Variants in CPQ observed in about 807,000 individuals in gnomAD.
CPQ encodes carboxypeptidase Q, also known as Ser-Met dipeptidase.
Under a neutral mutation model 45.7 loss-of-function variants are expected in CPQ, and 37 were observed. That is an observed-to-expected ratio of 0.81 (90% confidence interval 0.62 to 1.07). The LOEUF (loss-of-function observed/expected upper bound fraction) is 1.07, where lower values mean the gene tolerates loss of function less well. CPQ is among the 50% of genes least tolerant of loss of function. The probability of loss-of-function intolerance (pLI) is 0.00; values close to 1 mark genes in which losing one functional copy is unlikely to be tolerated. For missense variants in CPQ, 537 were observed against 572.9 expected (o/e 0.94, Z 0.64); for synonymous variants, 186 against 205.8 (o/e 0.90, Z 0.82).
At chr8:97,036,275 T>C (rs1317073873) in intron 6 of CPQ, among the ~76,000 whole-genome samples, 4 of 152,198 alleles carry the variant, frequency 2.6e-5, no homozygotes, top group African/African-American at 9.7e-5. Flanking sequence ...GGAAGATTTC[T>C]CTTTTATGCC....
intron 1 of CPQ, among the ~76,000 whole-genome samples, chr8:96,727,534 A>G (rs868243691): frequency 2.0e-5 from 3 of 152,148 alleles, no homozygotes; most frequent in Admixed American, 6.5e-5. Context: ...TTTAGTCCTT[A>G]TGGTTCTTTT....
At chr8:97,044,179 G>A (rs1349494169) in intron 6 of CPQ, among the ~76,000 whole-genome samples, 1 of 152,034 alleles carries the variant, frequency 6.6e-6, no homozygotes, top group African/African-American at 2.4e-5. Flanking sequence ...GGCTTTGTTT[G>A]TTTCTTTTTA....
intron 6 of CPQ, among the ~76,000 whole-genome samples, chr8:97,043,244 C>T (rs899886644): frequency 6.6e-6 from 1 of 151,934 alleles, no homozygotes; most frequent in African/African-American, 2.4e-5. Context: ...TATGTAATGG[C>T]CTTCTTTGTC....
rs576627411 is a variant in CPQ, at chr8:97,101,422, C to T, written c.1255+35212C>T. On this transcript the variant is annotated intron_variant, in intron 7 of 7. Transcript: ENST00000220763. ...TTCAGCAAATATATAGTATTTCTGC[C>T]GTACTATATATATATATATGATATA... Among the ~76,000 whole-genome samples the T allele has an allele frequency of 6.0e-5, 9 of 151,176 alleles. No individual in the cohort carries two copies. In the South Asian group the frequency reaches 6.3e-4, roughly 11 times the overall value.
chr8:96,751,620 G>A (rs1432734335), intron 1 of CPQ, among the ~76,000 whole-genome samples: 2 of 152,114 alleles, frequency 1.3e-5, no homozygotes, highest in African/African-American at 2.4e-5. Flanking sequence ...TTCTTTTGCT[G>A]TGCAGAAGCT....
At chr8:96,791,444 C>A (rs1810844209) in intron 2 of CPQ, among the ~76,000 whole-genome samples, 1 of 152,094 alleles carries the variant, frequency 6.6e-6, no homozygotes, top group African/African-American at 2.4e-5. Context: ...ACAACTGGGC[C>A]TCCTCTTTCC....
chr8:96,675,509 A>G (rs562882349), intron 1 of CPQ, among the ~76,000 whole-genome samples: 46 of 152,190 alleles, frequency 3.0e-4, no homozygotes, highest in African/African-American at 1.1e-3. Context: ...AACTTTTCCT[A>G]TTACAAACAG....
chr8:97,076,327 G>C (rs1321657812), intron 7 of CPQ, among the ~76,000 whole-genome samples: 1 of 151,832 alleles, frequency 6.6e-6, no homozygotes, highest in Non-Finnish European at 1.5e-5. Flanking sequence ...CCCTGCCAAG[G>C]ACTCATTTTT....
At chr8:96,743,314 T>C (rs887226701) in intron 1 of CPQ, among the ~76,000 whole-genome samples, 4 of 151,686 alleles carry the variant, frequency 2.6e-5, no homozygotes, top group African/African-American at 9.6e-5. Flanking sequence ...CGAGCCTTGG[T>C]TTTCAGCTCC....
chr8:96,922,139 A>G (rs559452020), intron 4 of CPQ, among the ~76,000 whole-genome samples: 1 of 152,336 alleles, frequency 6.6e-6, no homozygotes, highest in East Asian at 1.9e-4. Context: ...TTCTTGTGTG[A>G]CAACACAGAG....
chr8:96,895,877 T>C (rs995390543), intron 4 of CPQ, among the ~76,000 whole-genome samples: 1 of 152,216 alleles, frequency 6.6e-6, no homozygotes, highest in African/African-American at 2.4e-5. Context: ...AGTTAATGCA[T>C]GTTCTTCCTT....
intron 1 of CPQ, among the ~76,000 whole-genome samples, chr8:96,714,227 A>T (rs1809648155): frequency 6.6e-6 from 1 of 152,226 alleles, no homozygotes. Context: ...CCATCAAATA[A>T]GTTTTCCAAA....
chr8:96,658,070 C>A (rs981810340), intron 1 of CPQ, among the ~76,000 whole-genome samples: 1 of 152,206 alleles, frequency 6.6e-6, no homozygotes, highest in African/African-American at 2.4e-5. Context: ...AAACACCTGG[C>A]TATTCTTTTG....
chr8:96,977,040 A>G (rs1405030688), intron 5 of CPQ, among the ~76,000 whole-genome samples: 2 of 152,208 alleles, frequency 1.3e-5, no homozygotes, highest in Non-Finnish European at 2.9e-5. Context: ...AACAAAAGAA[A>G]TCATCAGCAG....
rs150434689 is a variant in CPQ at position 96,849,642 on chromosome 8, A to G, written c.641+14462A>G. On this transcript the variant is annotated intron_variant, in intron 3 of 7. Coordinates refer to ENST00000220763, the MANE Select transcript of CPQ (RefSeq NM_016134.4). The stretch of plus-strand genomic sequence containing the variant: ...CAGAAAGGAAGTCAGAGTGGATTAA[A>G]AGATTCCACACCTTTGGTGTGCATG... Among the ~76,000 whole-genome samples, 9 of 152,276 alleles carry G rather than the reference A, an allele frequency of 5.9e-5. No individual in the cohort carries two copies. The East Asian group carries it at 1.7e-3, about 29-fold the overall frequency.
At chr8:96,757,487 CT>C (rs1810343112) in intron 1 of CPQ, among the ~76,000 whole-genome samples, 1 of 151,372 alleles carries the variant, frequency 6.6e-6, no homozygotes, top group Non-Finnish European at 1.5e-5. Flanking sequence ...AGTTTATTCT[CT>C]TTACTTTCTA....
intron 1 of CPQ, among the ~76,000 whole-genome samples, chr8:96,725,338 C>G (rs1040390944): frequency 2.0e-5 from 3 of 152,124 alleles, no homozygotes; most frequent in Non-Finnish European, 4.4e-5. Context: ...ATGTATCCAA[C>G]AAAAGTCTAA....
intron 6 of CPQ, among the ~76,000 whole-genome samples, chr8:97,045,361 A>C (rs1810227921): frequency 6.6e-6 from 1 of 152,172 alleles, no homozygotes; most frequent in African/African-American, 2.4e-5. Flanking sequence ...TTAGAGTGGG[A>C]GTGACCCGAT....
At chr8:97,047,990 C>G (rs939257642) in intron 6 of CPQ, among the ~76,000 whole-genome samples, 1 of 152,116 alleles carries the variant, frequency 6.6e-6, no homozygotes, top group African/African-American at 2.4e-5. Flanking sequence ...CTTAGACACT[C>G]TATATGTGAA....
Sources: allele counts gnomAD v4.1 joint callset (sites outside exome capture counted in the v4.1 genomes callset), GRCh38; gene constraint gnomAD v4.1.1; transcripts MANE v1.5; gene names NCBI Gene and HGNC (gene_info 2026-07-23, HGNC 2026-07-21).